Variants in SSTR3 observed in about 807,000 individuals in gnomAD.
SSTR3 encodes somatostatin receptor type 3.
For synonymous variants in SSTR3, 281 were observed against 269.2 expected, an observed-to-expected ratio of 1.04 and a Z score of -0.43; for missense variants, 504 against 604.7, an observed-to-expected ratio of 0.83 and a Z score of 1.75.
At chr22:37,210,542 G>T in intron 1 of SSTR3, 1 of 985,504 alleles carries the variant, frequency 1.0e-6, no homozygotes, top group Non-Finnish European at 1.2e-6. Flanking sequence ...ACGTAAGCCA[G>T]ACCTGCAATT....
intron 1 of SSTR3, 49 bp from the exon 2 acceptor site, chr22:37,207,888 G>C: frequency 7.1e-7 from 1 of 1,401,756 alleles, no homozygotes; most frequent in Non-Finnish European, 9.2e-7. Context: ...GGCTTTCTCT[G>C]TGCTGCCCCC....
Position 37,206,856 on chromosome 22 carries a change from G to A in SSTR3, c.948C>T (p.Leu316=). 2 of 1,613,324 alleles carry A rather than the reference G, an allele frequency of 1.2e-6. No homozygotes were observed. The highest frequency in any genetic ancestry group is 1.7e-6 in the Non-Finnish European group (2 of 1,180,018). Residue 316 remains leucine, a synonymous_variant, in exon 2 of 2, where the codon CTC becomes CTT. Coordinates refer to ENST00000610913, the MANE Select transcript of SSTR3 (RefSeq NM_001051.5). ...GGAAGCCCTGCTTGAAGCGGTAGGA[G>A]AGGAAGCCATAAAGGATGGGGTTGG... The part of the protein sequence containing the change: ...SCANPILYGF[L]SYRFKQGFRR...
At chr22:37,211,111 C>A in intron 1 of SSTR3, 1 of 326,816 alleles carries the variant, frequency 3.1e-6, no homozygotes, top group Non-Finnish European at 4.4e-6. Flanking sequence ...TACTTCTAAA[C>A]CATCAGTACC....
Position 37,210,862 on chromosome 22 carries a change from A to G in SSTR3, c.-37+963T>C, listed in dbSNP as rs74938632. The G allele has an allele frequency of 3.0e-6, 3 of 985,302 alleles. No homozygotes were observed. The East Asian group carries it at 3.4e-4, about 112-fold the overall frequency. 61.0% of individuals were successfully genotyped at this position (985,302 alleles called of 1,614,324 possible). ...GAATGATTTATTTCTTAACCCCAGAACCTAGGACATCACCCAGAACAGCCA... is the reference window on the plus strand; with the variant it reads ...GAATGATTTATTTCTTAACCCCAGAGCCTAGGACATCACCCAGAACAGCCA... On this transcript the variant is annotated intron_variant, in intron 1 of 1. Coordinates refer to ENST00000610913, the MANE Select transcript of SSTR3 (RefSeq NM_001051.5).
intron 1 of SSTR3, chr22:37,210,512 G>A (rs1926127575): frequency 3.0e-6 from 3 of 985,254 alleles, no homozygotes; most frequent in African/African-American, 3.5e-5. Flanking sequence ...CAGAAGCAGG[G>A]AAATTACAGC....
intron 1 of SSTR3, 121 bp from the exon 2 acceptor site, chr22:37,207,960 CAGA>C (rs1569080311): frequency 7.4e-7 from 1 of 1,342,548 alleles, no homozygotes; most frequent in Non-Finnish European, 9.5e-7. Flanking sequence ...TGAGAGATTT[CAGA>C]AGATGGGAGG....
At chr22:37,215,280 C>T (rs1054730881), upstream of SSTR3, among the ~76,000 whole-genome samples, 1 of 152,112 alleles carries the variant, frequency 6.6e-6, no homozygotes, top group Non-Finnish European at 1.5e-5. Context: ...CAGGGTCTCC[C>T]TATGTTGGCC....
intron 1 of SSTR3, among the ~76,000 whole-genome samples, chr22:37,210,332 C>T (rs988626860): frequency 9.3e-5 from 14 of 150,924 alleles, no homozygotes; most frequent in Non-Finnish European, 1.5e-4. Context: ...CAAGCGCATG[C>T]GCTGACACAC....
rs1009489401 is a variant in SSTR3 at position 37,210,955 on chromosome 22, C to T, written c.-37+870G>A. The stretch of plus-strand genomic sequence containing the variant: ...GTGGGACATTGTCCCCGGATGGAAG[C>T]CTCAGACTCACATCATGAGATCCTC... On this transcript the variant is annotated intron_variant, in intron 1 of 1. Transcript: ENST00000610913. 4.1e-6 allele frequency: 4 copies of T among 985,422 alleles called. No individual in the cohort carries two copies. The East Asian group carries it at 4.5e-4, about 112-fold the overall frequency. 61.0% of individuals were successfully genotyped at this position (985,422 alleles called of 1,614,324 possible).
intron 1 of SSTR3, among the ~76,000 whole-genome samples, chr22:37,210,203 G>A (rs2145805333): frequency 6.6e-6 from 1 of 152,350 alleles, no homozygotes; most frequent in Middle Eastern, 3.4e-3. Flanking sequence ...AGAGAAGCAA[G>A]GAGCTGGGCA....
rs754862054 is a variant in SSTR3 at position 37,207,379 on chromosome 22, T to A, written c.425A>T (p.Tyr142Phe). ...FCLTVMSVDR[Y>F]LAVVHPTRSA... ...GCGGGTGGGATGTACCACGGCCAGG[T>A]AGCGGTCCACGCTCATGACAGTCAG... The change falls in exon 2 of 2, where the codon TAC becomes TTC. Residue 142 changes from tyrosine to phenylalanine, a missense_variant. By Grantham distance (22) the Tyr-to-Phe change is conservative. Coordinates refer to ENST00000610913, the MANE Select transcript of SSTR3 (RefSeq NM_001051.5). The A allele has an allele frequency of 6.2e-7, 1 of 1,611,876 alleles. No homozygotes were observed. Among genetic ancestry groups the A allele is most frequent in the South Asian group, 1.1e-5 (1 of 90,984 alleles).
chr22:37,213,796 A>T, upstream of SSTR3, among the ~76,000 whole-genome samples: 1 of 152,126 alleles, frequency 6.6e-6, no homozygotes, highest in East Asian at 1.9e-4. Flanking sequence ...GCCGCAGCCC[A>T]CCTGGCACTG....
upstream of SSTR3, among the ~76,000 whole-genome samples, chr22:37,213,859 G>A (rs559427516): frequency 1.3e-5 from 2 of 152,170 alleles, no homozygotes; most frequent in Non-Finnish European, 1.5e-5. Flanking sequence ...GATTTCACTC[G>A]CTCCTCTGTG....
At position 37,212,244 on chromosome 22, in the gene SSTR3, AGAGAGG is replaced by A. The variant is rs933600581; in HGVS notation, c.-462_-457del. Reference sequence around the variant, plus strand: ...GAGAGAAAGAGGGAGGGGGAGAGAGAGAGAGGGAGAGGGAGAGGAGACCGTGAGTAG... The same window carrying A: ...GAGAGAAAGAGGGAGGGGGAGAGAGAGAGAGGGAGAGGAGACCGTGAGTAG... On this transcript the variant is annotated 5_prime_UTR_variant, in exon 1 of 2. Coordinates refer to ENST00000610913, the MANE Select transcript of SSTR3 (RefSeq NM_001051.5). The A allele has an allele frequency of 3.5e-5, 24 of 680,242 alleles. No individual in the cohort carries two copies. Among genetic ancestry groups the A allele is most frequent in the Admixed American group, 6.3e-5 (1 of 15,810 alleles). The allele number at this position is 680,242 out of a possible 1,614,324, so 42.1% of individuals were successfully genotyped here. A position where few individuals can be genotyped will look rare whatever the true frequency, so the allele number is the denominator to read the frequency against.
At chr22:37,209,386 G>A (rs1926056291) in intron 1 of SSTR3, among the ~76,000 whole-genome samples, 2 of 152,226 alleles carry the variant, frequency 1.3e-5, no homozygotes, top group South Asian at 4.1e-4. Flanking sequence ...TGGGTTCAGA[G>A]CATCTCCTCC....
chr22:37,213,658 C>T (rs1316459649), upstream of SSTR3, among the ~76,000 whole-genome samples: 5 of 152,210 alleles, frequency 3.3e-5, no homozygotes, highest in African/African-American at 1.2e-4. Flanking sequence ...TGTCCTTGTC[C>T]GTACAAGTTC....
At chr22:37,212,964 G>A (rs1926281556), upstream of SSTR3, among the ~76,000 whole-genome samples, 1 of 152,204 alleles carries the variant, frequency 6.6e-6, no homozygotes, top group Non-Finnish European at 1.5e-5. Context: ...ATTGTGCAGT[G>A]AGAAAACAGA....
At chr22:37,212,515 G>A (rs1232031010), upstream of SSTR3, among the ~76,000 whole-genome samples, 8 of 151,556 alleles carry the variant, frequency 5.3e-5, no homozygotes, top group Admixed American at 1.3e-4. Flanking sequence ...GCAGGTGTGG[G>A]GGGTGGGGGC....
chr22:37,210,466 C>A, intron 1 of SSTR3: 1 of 961,142 alleles, frequency 1.0e-6, no homozygotes, highest in Non-Finnish European at 1.2e-6. Context: ...TTATCTCAGC[C>A]GGTCTTCCCT....
Sources: allele counts gnomAD v4.1 joint callset (sites outside exome capture counted in the v4.1 genomes callset), GRCh38; gene constraint gnomAD v4.1.1; transcripts MANE v1.5; gene names NCBI Gene and HGNC (gene_info 2026-07-23, HGNC 2026-07-21).